Variants in ANKS1B observed in about 807,000 individuals in gnomAD.
ANKS1B encodes the protein ankyrin repeat and sterile alpha motif domain-containing protein 1B.
Under a neutral mutation model 148.3 loss-of-function variants are expected in ANKS1B, and 36 were observed. The observed-to-expected ratio is 0.24, with a 90% CI of 0.19 to 0.32. ANKS1B has a LOEUF of 0.32. Among genes scored for constraint, ANKS1B ranks in the 10% least tolerant of loss-of-function variants. The pLI is 1.00. For synonymous variants in ANKS1B, 542 were observed against 560.8 expected (o/e 0.97, Z 0.47); for missense variants, 1,157 against 1,542.6 (o/e 0.75, Z 4.19).
intron 12 of ANKS1B, among the ~76,000 whole-genome samples, chr12:99,335,844 A>T (rs550220964): frequency 1.3e-5 from 2 of 152,110 alleles, no homozygotes; most frequent in Admixed American, 1.3e-4. Flanking sequence ...CTATCTCTTC[A>T]ATATACTAAT....
chr12:98,932,056 C>T (rs1248384321), intron 17 of ANKS1B, among the ~76,000 whole-genome samples: 2 of 152,134 alleles, frequency 1.3e-5, no homozygotes, highest in East Asian at 1.9e-4. Flanking sequence ...CTTTCAAAGG[C>T]GACACCTGCC....
intron 1 of ANKS1B, among the ~76,000 whole-genome samples, chr12:99,872,703 A>C (rs2091662688): frequency 6.6e-6 from 1 of 152,138 alleles, no homozygotes; most frequent in Non-Finnish European, 1.5e-5. Flanking sequence ...CACAGATCCC[A>C]GATTAGAAAT....
intron 8 of ANKS1B, among the ~76,000 whole-genome samples, chr12:99,686,264 A>G (rs2098648843): frequency 6.6e-6 from 1 of 152,188 alleles, no homozygotes; most frequent in Non-Finnish European, 1.5e-5. Context: ...TTAGGAGTAT[A>G]ACAGCCAAGT....
chr12:99,022,274 GTTGGAGAGGATCAGGA>G (rs1254296042), intron 17 of ANKS1B, among the ~76,000 whole-genome samples: 1 of 152,168 alleles, frequency 6.6e-6, no homozygotes, highest in African/African-American at 2.4e-5. Context: ...TTACCAGCTG[GTTGGAGAGGATCAGGA>G]TCTAAAGGGG....
intron 17 of ANKS1B, among the ~76,000 whole-genome samples, chr12:98,887,315 T>G (rs1475266426): frequency 1.3e-5 from 2 of 152,176 alleles, no homozygotes; most frequent in East Asian, 3.9e-4. Context: ...AGGTTTTTTA[T>G]CTACACAGGT....
intron 12 of ANKS1B, among the ~76,000 whole-genome samples, chr12:99,281,164 T>C (rs1218017873): frequency 2.6e-5 from 4 of 152,152 alleles, no homozygotes; most frequent in Non-Finnish European, 1.5e-5. Flanking sequence ...CTGCCTAGTC[T>C]ACCTTCATTG....
chr12:99,261,725 T>C (rs888211390), intron 12 of ANKS1B, among the ~76,000 whole-genome samples: 1 of 152,100 alleles, frequency 6.6e-6, no homozygotes, highest in Admixed American at 6.6e-5. Flanking sequence ...AACCATCTCC[T>C]AGCTTTCATT....
Position 98,848,157 on chromosome 12 carries a change from A to G in ANKS1B, c.2779-16021T>C, listed in dbSNP as rs112014177. Reference sequence around the variant, plus strand: ...AAGTCTCTAATGAAAACCAAGCAACAAACAATGACTTAGTATTTGTTAGAA... The same window carrying G: ...AAGTCTCTAATGAAAACCAAGCAACGAACAATGACTTAGTATTTGTTAGAA... On this transcript the variant is annotated intron_variant, in intron 17 of 26. Transcript: ENST00000683438. Among the ~76,000 whole-genome samples, 836 of 152,332 alleles carry G rather than the reference A, an allele frequency of 5.5e-3. 9 individuals carry two copies. The highest frequency in any genetic ancestry group is 0.019 in the African/African-American group (805 of 41,552).
intron 12 of ANKS1B, among the ~76,000 whole-genome samples, chr12:99,384,441 T>TACAG (rs1321437379): frequency 6.6e-6 from 1 of 152,228 alleles, no homozygotes; most frequent in Non-Finnish European, 1.5e-5. Flanking sequence ...TGCAAAGCTT[T>TACAG]ATGCTAGGTA....
chr12:99,847,475 T>C (rs1162641986), intron 1 of ANKS1B, among the ~76,000 whole-genome samples: 2 of 152,126 alleles, frequency 1.3e-5, no homozygotes, highest in Non-Finnish European at 2.9e-5. Context: ...AAGACCCTCA[T>C]TCTAGAAGGA....
chr12:99,535,172 A>G lies in ANKS1B; in HGVS notation c.1273-30531T>C, dbSNP rs560958951. Among the ~76,000 whole-genome samples, 3 of 152,332 alleles carry G rather than the reference A, an allele frequency of 2.0e-5. No individual in the cohort carries two copies. In the South Asian group the frequency reaches 6.2e-4, roughly 32 times the overall value. ...CTAAATGAAGGAATTCTTTAAGAAG[A>G]CAAAATAAGAATTAGTCACATATCT... On this transcript the variant is annotated intron_variant, in intron 9 of 26. Transcript: ENST00000683438.
chr12:99,148,681 A>G (rs1180658541), intron 15 of ANKS1B, among the ~76,000 whole-genome samples: 1 of 152,174 alleles, frequency 6.6e-6, no homozygotes, highest in Non-Finnish European at 1.5e-5. Context: ...GAGAAACAAG[A>G]TAGTGGAAAT....
intron 12 of ANKS1B, among the ~76,000 whole-genome samples, chr12:99,339,298 A>G (rs2089503807): frequency 1.3e-5 from 2 of 152,080 alleles, no homozygotes; most frequent in Non-Finnish European, 2.9e-5. Flanking sequence ...TTCCACTATG[A>G]TGGGGCAGCA....
intron 8 of ANKS1B, among the ~76,000 whole-genome samples, chr12:99,691,026 T>C (rs1345786196): frequency 6.6e-6 from 1 of 152,338 alleles, no homozygotes; most frequent in Non-Finnish European, 1.5e-5. Context: ...TTGACTTCTG[T>C]GCACCCATAG....
intron 9 of ANKS1B, among the ~76,000 whole-genome samples, chr12:99,541,708 A>T (rs1010375065): frequency 6.6e-6 from 1 of 152,178 alleles, no homozygotes; most frequent in East Asian, 1.9e-4. Context: ...TACAAAAATT[A>T]TCTGGGTGTG....
chr12:98,913,047 C>T (rs953941571), intron 17 of ANKS1B, among the ~76,000 whole-genome samples: 1 of 151,954 alleles, frequency 6.6e-6, no homozygotes, highest in Non-Finnish European at 1.5e-5. Flanking sequence ...TCCTATCATA[C>T]ACCACTTTAC....
intron 9 of ANKS1B, among the ~76,000 whole-genome samples, chr12:99,558,802 C>T (rs1461053561): frequency 6.6e-6 from 1 of 152,188 alleles, no homozygotes; most frequent in Non-Finnish European, 1.5e-5. Flanking sequence ...GCTAAAGCCT[C>T]CTGGAGGAGC....
rs35901124 is a variant in ANKS1B at position 99,781,063 on chromosome 12, C to CAAA, written c.745+956_745+958dup. On this transcript the variant is annotated intron_variant, in intron 5 of 26. Transcript: ENST00000683438. ...TATGAATTTTCCAAACACATAATTG[C>CAAA]AAAAAAAAAAAAAAAAGCCAGTTTA... is the stretch of plus-strand genomic sequence containing the variant. Among the ~76,000 whole-genome samples, 16 of 120,204 alleles carry CAAA rather than the reference C, an allele frequency of 1.3e-4. No homozygotes were observed. In the South Asian group the frequency reaches 1.8e-3, roughly 14 times the overall value. 78.9% of individuals were successfully genotyped at this position (120,204 alleles called of 152,430 possible).
intron 1 of ANKS1B, among the ~76,000 whole-genome samples, chr12:99,880,075 C>T (rs2092380996): frequency 6.6e-6 from 1 of 152,168 alleles, no homozygotes; most frequent in Non-Finnish European, 1.5e-5. Flanking sequence ...ATATTATCCT[C>T]TTGACCTGAA....
Sources: allele counts gnomAD v4.1 joint callset (sites outside exome capture counted in the v4.1 genomes callset), GRCh38; gene constraint gnomAD v4.1.1; transcripts MANE v1.5; gene names NCBI Gene and HGNC (gene_info 2026-07-23, HGNC 2026-07-21).